The following PHKA2 variants were observed in gnomAD, a reference collection of about 807,000 sequenced individuals.
PHKA2 encodes phosphorylase b kinase regulatory subunit alpha, liver isoform.
A neutral mutation model predicts 102.0 loss-of-function variants in PHKA2; 31 were observed. The ratio of observed to expected loss-of-function variants is 0.30; its 90% CI spans 0.23 to 0.41. The LOEUF is 0.41. Among genes scored for constraint, PHKA2 ranks in the 10% least tolerant of loss-of-function variants. The pLI is 1.00. For synonymous variants in PHKA2, 455 were observed against 416.2 expected, an observed-to-expected ratio of 1.09 and a Z score of -1.13; for missense variants, 858 against 1,023.1, an observed-to-expected ratio of 0.84 and a Z score of 2.20.
At chrX:18,918,515 C>T (rs2048058206) in intron 19 of PHKA2, among the ~76,000 whole-genome samples, 166 bp downstream of exon 19, 1 of 112,213 alleles carries the variant, frequency 8.9e-6, no homozygotes, top group Non-Finnish European at 1.9e-5. Flanking sequence ...GAGATATGTA[C>T]ATACCAGAAG....
chrX:18,901,667 C>T, intron 26 of PHKA2, 64 bp from the exon 27 acceptor site: 1 of 735,676 alleles, frequency 1.4e-6, no homozygotes, highest in Non-Finnish European at 2.2e-6. Flanking sequence ...GAGGCAGGAT[C>T]TGCCCCTGTC....
intron 22 of PHKA2, among the ~76,000 whole-genome samples, 177 bp downstream of exon 22, chrX:18,907,723 C>A (rs1012526885): frequency 2.7e-5 from 3 of 112,059 alleles, no homozygotes; most frequent in African/African-American, 9.7e-5. Flanking sequence ...GCATTTCCTT[C>A]CCTCTGCTCG....
At chrX:18,898,786 C>G (rs1422011966) in intron 29 of PHKA2, among the ~76,000 whole-genome samples, 3 of 112,331 alleles carry the variant, frequency 2.7e-5, no homozygotes, top group East Asian at 5.6e-4. Flanking sequence ...GAGCCCTGCA[C>G]GAGATCTGGG....
intron 8 of PHKA2, 61 bp from the exon 9 acceptor site, chrX:18,940,109 T>G: frequency 1.4e-6 from 1 of 739,441 alleles, no homozygotes; most frequent in South Asian, 2.1e-5. Flanking sequence ...TTAATTCAAG[T>G]CAGCCCTGCA....
intron 5 of PHKA2, 129 bp downstream of exon 5, chrX:18,948,615 C>T: frequency 3.9e-6 from 2 of 519,000 alleles, no homozygotes; most frequent in Non-Finnish European, 7.1e-6. Context: ...GGAGGTGACA[C>T]AATCTCATAG....
intron 1 of PHKA2, among the ~76,000 whole-genome samples, chrX:18,956,698 C>T (rs1022939890): frequency 5.3e-5 from 6 of 112,392 alleles, no homozygotes; most frequent in African/African-American, 1.9e-4. Context: ...CAGAACCATA[C>T]ACATACATGC....
chrX:18,926,680 A>G, intron 13 of PHKA2, 93 bp from the exon 14 acceptor site: 1 of 849,105 alleles, frequency 1.2e-6, no homozygotes, highest in Non-Finnish European at 1.7e-6. Flanking sequence ...GCCTGGTGAC[A>G]TACACATCAG....
chrX:18,893,814 C>T (rs868319410), intron 32 of PHKA2, among the ~76,000 whole-genome samples, 159 bp from the exon 33 acceptor site: 3 of 112,434 alleles, frequency 2.7e-5, no homozygotes, highest in Non-Finnish European at 5.6e-5. Flanking sequence ...CATGAGGGCA[C>T]GAAGCCAGCG....
At chrX:18,968,903 G>A (rs889735349) in intron 1 of PHKA2, among the ~76,000 whole-genome samples, 1 of 111,798 alleles carries the variant, frequency 8.9e-6, no homozygotes, top group Non-Finnish European at 1.9e-5. Flanking sequence ...ATCACCTGAG[G>A]TCAGGAGTTC....
At chrX:18,932,269 C>A (rs746753266) in intron 11 of PHKA2, among the ~76,000 whole-genome samples, 25 of 112,192 alleles carry the variant, frequency 2.2e-4, no homozygotes, top group Non-Finnish European at 3.9e-4. Context: ...GCTGAACCCA[C>A]TGGGGGGCTT....
At chrX:18,960,474 A>G (rs1312213955) in intron 1 of PHKA2, among the ~76,000 whole-genome samples, 1 of 111,619 alleles carries the variant, frequency 9.0e-6, no homozygotes, top group African/African-American at 3.3e-5. Flanking sequence ...TTCATGGTGG[A>G]AGGCAAAACG....
intron 26 of PHKA2, among the ~76,000 whole-genome samples, chrX:18,903,265 G>C (rs1442770259): frequency 8.9e-6 from 1 of 112,337 alleles, no homozygotes; most frequent in African/African-American, 3.2e-5. Context: ...GGTGAGTGTT[G>C]ACTGGTCAAC....
chrX:18,958,207 A>G lies in PHKA2; in HGVS notation c.79-3795T>C, dbSNP rs199836321. Among the ~76,000 whole-genome samples, 105 of 111,523 alleles carry G rather than the reference A, an allele frequency of 9.4e-4. 1 individual carries two copies. Among genetic ancestry groups the G allele is most frequent in the African/African-American group, 3.3e-3 (100 of 30,676 alleles). ...GGGATGGTGGGATCATATGATACAC[A>G]CTGCTGCACCCTGCATTTCTCTTTC... is the stretch of plus-strand genomic sequence containing the variant. On this transcript the variant is annotated intron_variant, in intron 1 of 32. Coordinates refer to ENST00000379942, the MANE Select transcript of PHKA2 (RefSeq NM_000292.3).
rs1451691248 is a variant in PHKA2 at position 18,941,647 on chromosome X, G to A, written c.746C>T (p.Ala249Val). The A allele has an allele frequency of 2.6e-6, 3 of 1,168,678 alleles. No homozygotes were observed. Among genetic ancestry groups the A allele is most frequent in the Non-Finnish European group, 2.3e-6 (2 of 855,631 alleles). Reference protein sequence around the residue: ...QSILFSMLPRASTSKEIDAGL... With the variant: ...QSILFSMLPRVSTSKEIDAGL... ...AGCATCAATTTCTTTAGATGTCGAC[G>A]CTCTTGGCAGCATGGAGAACAGAAT... Residue 249 changes from alanine (A) to valine (V), a missense_variant, in exon 8 of 33, where the codon GCG becomes GTG. This residue lies in a region of PHKA2 where 187 missense variants were observed against 277.9 expected (regional missense o/e 0.67). Transcript: ENST00000379942.
In PHKA2 at chrX:18,969,994, C is replaced by T. The variant is rs765148288; in HGVS notation, c.78+13861G>A. Among the ~76,000 whole-genome samples, 11 of 112,146 alleles carry T rather than the reference C, an allele frequency of 9.8e-5. No homozygotes were observed. In the South Asian group the frequency reaches 4.1e-3, roughly 42 times the overall value. On this transcript the variant is annotated intron_variant, in intron 1 of 32. Coordinates refer to ENST00000379942, the MANE Select transcript of PHKA2 (RefSeq NM_000292.3). Reference sequence around the variant, plus strand: ...ATGGCTCATGCCTCTAACCCCAGCACTTTGGGAGGCTGAGGTGGGAGGATC... The same window carrying T: ...ATGGCTCATGCCTCTAACCCCAGCATTTTGGGAGGCTGAGGTGGGAGGATC...
chrX:18,893,432 G>A lies in PHKA2; in HGVS notation c.*53C>T. On this transcript the variant is annotated 3_prime_UTR_variant, in exon 33 of 33. Coordinates refer to ENST00000379942, the MANE Select transcript of PHKA2 (RefSeq NM_000292.3). ...TTGGGGGACAGAAGGTTCCCAGTAA[G>A]GCTAGGGGGCACGTGACAGATTGAG... The A allele has an allele frequency of 8.8e-7, 1 of 1,138,896 alleles. No homozygotes were observed. Among genetic ancestry groups the A allele is most frequent in the Non-Finnish European group, 1.2e-6 (1 of 829,565 alleles). 93.9% of individuals were successfully genotyped at this position (1,138,896 alleles called of 1,213,427 possible).
intron 1 of PHKA2, 94 bp from the exon 2 acceptor site, chrX:18,954,506 G>T: frequency 1.1e-6 from 1 of 909,398 alleles, no homozygotes; most frequent in Non-Finnish European, 1.6e-6. Context: ...TGAGGACCGG[G>T]ACCTGGAGCA....
chrX:18,952,252 G>A (rs1218591593), intron 3 of PHKA2, among the ~76,000 whole-genome samples: 1 of 93,951 alleles, frequency 1.1e-5, no homozygotes, highest in Non-Finnish European at 2.1e-5. Flanking sequence ...AACCACTTGA[G>A]CCCAGGAGTT....
intron 31 of PHKA2, 41 bp from the exon 32 acceptor site, chrX:18,894,445 G>A (rs762362098): frequency 9.2e-7 from 1 of 1,081,509 alleles, no homozygotes; most frequent in Non-Finnish European, 1.3e-6. Flanking sequence ...TGAGAGGACA[G>A]ATGCAGCCCT....
Sources: allele counts gnomAD v4.1 joint callset (sites outside exome capture counted in the v4.1 genomes callset), GRCh38; gene constraint gnomAD v4.1.1; regional missense constraint gnomAD v4.1.1; transcripts MANE v1.5; gene names NCBI Gene and HGNC (gene_info 2026-07-23, HGNC 2026-07-21).